ATP6V1C1: variants seen among roughly 807,000 people sequenced by gnomAD.
ATP6V1C1 encodes the protein ATPase H+ transporting V1 subunit C1, also known as V-type proton ATPase subunit C 1.
Under a neutral mutation model 53.9 loss-of-function variants are expected in ATP6V1C1, and 45 were observed. That is an observed-to-expected ratio of 0.83 (90% CI 0.66 to 1.07). ATP6V1C1 has a LOEUF of 1.07. Among genes scored for constraint, ATP6V1C1 ranks in the 50% least tolerant of loss-of-function variants. The probability of loss-of-function intolerance (pLI) is 0.00; values close to 1 mark genes in which losing one functional copy is unlikely to be tolerated. For synonymous variants in ATP6V1C1, 153 were observed against 155.2 expected, an observed-to-expected ratio of 0.99 and a Z score of 0.11; for missense variants, 315 against 440.3, an observed-to-expected ratio of 0.72 and a Z score of 2.55.
rs1817429250 is a variant in ATP6V1C1 at position 103,062,987 on chromosome 8, G to GT, written c.675dup (p.Asn226Ter). 1 of 1,613,462 alleles carries GT rather than the reference G, an allele frequency of 6.2e-7. No individual in the cohort carries two copies. The highest frequency in any genetic ancestry group is 1.7e-5 in the Admixed American group (1 of 59,976). Reference sequence around the variant, plus strand: ...TCAGAGGACCAAGACAGTTACCTGTGTAATGTCACCTTGTTTAGGAAGGCA... The same window carrying GT: ...TCAGAGGACCAAGACAGTTACCTGTGTTAATGTCACCTTGTTTAGGAAGGCA... On this transcript the variant is annotated frameshift_variant, in exon 9 of 13. Coordinates refer to ENST00000518738, the MANE Select transcript of ATP6V1C1 (RefSeq NM_001695.5). LOFTEE classifies it high-confidence loss of function.
At chr8:103,062,372 T>C (rs1328709510) in intron 8 of ATP6V1C1, among the ~76,000 whole-genome samples, 1 of 151,896 alleles carries the variant, frequency 6.6e-6, no homozygotes, top group Non-Finnish European at 1.5e-5. Context: ...AGTCTTGCCA[T>C]GTTGCCCAGG....
chr8:103,046,361 C>G (rs1817096779), intron 3 of ATP6V1C1, among the ~76,000 whole-genome samples: 1 of 152,038 alleles, frequency 6.6e-6, no homozygotes, highest in African/African-American at 2.4e-5. Context: ...CTTGCACCAC[C>G]ACACCCAGCT....
At chr8:103,065,815 G>A (rs966757488) in intron 11 of ATP6V1C1, among the ~76,000 whole-genome samples, 3 of 152,054 alleles carry the variant, frequency 2.0e-5, no homozygotes, top group Non-Finnish European at 2.9e-5. Context: ...AGGCCAAGGC[G>A]GGCAGATCAT....
At chr8:103,035,346 A>G (rs1239039747) in intron 1 of ATP6V1C1, among the ~76,000 whole-genome samples, 1 of 152,118 alleles carries the variant, frequency 6.6e-6, no homozygotes, top group East Asian at 1.9e-4. Context: ...AATTTTATTT[A>G]TTAATTCAAC....
intron 1 of ATP6V1C1, among the ~76,000 whole-genome samples, chr8:103,032,998 A>C (rs1389624326): frequency 6.6e-6 from 1 of 152,256 alleles, no homozygotes; most frequent in African/African-American, 2.4e-5. Context: ...GTAGAATACT[A>C]AGTAATAAAA....
intron 3 of ATP6V1C1, 93 bp downstream of exon 3, chr8:103,042,500 C>A: frequency 8.0e-7 from 1 of 1,255,716 alleles, no homozygotes; most frequent in South Asian, 1.5e-5. Flanking sequence ...GTATACTCTG[C>A]TTATTGGAAT....
chr8:103,028,530 T>C (rs957828034), intron 1 of ATP6V1C1, among the ~76,000 whole-genome samples: 2 of 152,128 alleles, frequency 1.3e-5, no homozygotes, highest in African/African-American at 4.8e-5. Flanking sequence ...GGTTCTGAAA[T>C]TTGGGTGAAT....
chr8:103,055,969 C>A, intron 8 of ATP6V1C1, 33 bp downstream of exon 8: 1 of 1,589,012 alleles, frequency 6.3e-7, no homozygotes, highest in South Asian at 1.1e-5. Context: ...CCATTTGTTT[C>A]CTAGAATTCC....
chr8:103,041,952 T>G (rs1483482947), intron 2 of ATP6V1C1, among the ~76,000 whole-genome samples: 1 of 152,212 alleles, frequency 6.6e-6, no homozygotes, highest in Admixed American at 6.5e-5. Context: ...ACAAGATGTT[T>G]CCTCCAAAAC....
Position 103,055,874 on chromosome 8 carries a change from C to A in ATP6V1C1, c.579C>A (p.Asn193Lys). The A allele has an allele frequency of 1.2e-6, 2 of 1,611,740 alleles. No individual in the cohort carries two copies. The highest frequency in any genetic ancestry group is 1.7e-6 in the Non-Finnish European group (2 of 1,178,290). ...TATTGTACCTTTTCTGCAGGTTAAACCACAACGACTGGATTAAGCAGTATG... is the reference window on the plus strand; with the variant it reads ...TATTGTACCTTTTCTGCAGGTTAAAACACAACGACTGGATTAAGCAGTATG... Reference protein sequence around the residue: ...VTLLVVVPKLNHNDWIKQYET... With the variant: ...VTLLVVVPKLKHNDWIKQYET... The change falls in exon 8 of 13, where the codon AAC (asparagine) becomes AAA (lysine). Residue 193 changes from asparagine (N) to lysine (K), a missense_variant. Coordinates refer to ENST00000518738, the MANE Select transcript of ATP6V1C1 (RefSeq NM_001695.5).
intron 3 of ATP6V1C1, among the ~76,000 whole-genome samples, chr8:103,045,830 A>G (rs1184692420): frequency 2.0e-5 from 3 of 151,950 alleles, no homozygotes; most frequent in African/African-American, 7.3e-5. Context: ...AGTCCCAGCT[A>G]CTCGGGAGGC....
At chr8:103,029,394 C>G (rs1192063979) in intron 1 of ATP6V1C1, among the ~76,000 whole-genome samples, 1 of 151,712 alleles carries the variant, frequency 6.6e-6, no homozygotes, top group Non-Finnish European at 1.5e-5. Flanking sequence ...CTCAGCCTCC[C>G]AAGTAGCTGA....
intron 12 of ATP6V1C1, among the ~76,000 whole-genome samples, chr8:103,067,592 CTTTTTCTTTTT>C (rs1817516096): frequency 7.7e-6 from 1 of 130,108 alleles, no homozygotes; most frequent in Admixed American, 7.7e-5. Context: ...CACTTTTTTT[CTTTTTCTTTTT>C]TTTTTTTTTT....
chr8:103,039,399 A>G (rs912375552), intron 1 of ATP6V1C1, among the ~76,000 whole-genome samples: 2 of 152,224 alleles, frequency 1.3e-5, no homozygotes, highest in Non-Finnish European at 2.9e-5. Context: ...GGACTACTGT[A>G]ATTATGAAAG....
intron 1 of ATP6V1C1, among the ~76,000 whole-genome samples, chr8:103,037,124 A>T (rs1009501635): frequency 1.3e-5 from 2 of 152,190 alleles, no homozygotes; most frequent in African/African-American, 4.8e-5. Context: ...ATAGGTGGTG[A>T]TGTGATCCAG....
chr8:103,023,910 G>T (rs1001360583), intron 1 of ATP6V1C1, among the ~76,000 whole-genome samples: 2 of 151,610 alleles, frequency 1.3e-5, no homozygotes, highest in African/African-American at 2.4e-5. Context: ...TTTTTTGGGG[G>T]GGGGGAACTT....
At chr8:103,062,910 A>AGT (rs1817426530) in intron 8 of ATP6V1C1, 45 bp from the exon 9 acceptor site, 1 of 1,556,952 alleles carries the variant, frequency 6.4e-7, no homozygotes, top group Non-Finnish European at 8.8e-7. Flanking sequence ...TATGAAAGAC[A>AGT]GCAATACGTA....
chr8:103,032,987 G>A (rs971521375), intron 1 of ATP6V1C1, among the ~76,000 whole-genome samples: 7 of 152,112 alleles, frequency 4.6e-5, no homozygotes, highest in African/African-American at 1.7e-4. Context: ...AGATGTATGT[G>A]GTAGAATACT....
At position 103,071,030 on chromosome 8, in the gene ATP6V1C1, G is replaced by A. The variant is rs146626334; in HGVS notation, c.*2283G>A. ...AACACAGGTAGTTCCTTTTCACTGT[G>A]TTTAATTTGGGAAAATCCAGATCCA... On this transcript the variant is annotated 3_prime_UTR_variant, in exon 13 of 13. Transcript: ENST00000518738. The A allele has an allele frequency of 5.9e-5, 9 of 152,360 alleles. No homozygotes were observed. The highest frequency in any genetic ancestry group is 2.1e-4 in the South Asian group (1 of 4,832). 9.4% of individuals were successfully genotyped at this position (152,360 alleles called of 1,614,324 possible).
Sources: gnomAD v4.1 joint callset for allele counts (sites outside exome capture counted in the v4.1 genomes callset) on GRCh38, gnomAD v4.1.1 for gene constraint, MANE v1.5 for transcripts, NCBI Gene and HGNC (gene_info 2026-07-23, HGNC 2026-07-21) for gene names.